Variants in FAAH observed in about 807,000 individuals in gnomAD.
FAAH encodes the protein fatty acid amide hydrolase, also known as fatty-acid amide hydrolase 1.
Under a neutral mutation model 69.7 loss-of-function variants are expected in FAAH, and 63 were observed. The ratio of observed to expected loss-of-function variants is 0.90; its 90% CI spans 0.74 to 1.12. The LOEUF (loss-of-function observed/expected upper bound fraction) is 1.12, where lower values mean the gene tolerates loss of function less well. Among genes scored for constraint, FAAH ranks in the 50% most tolerant of loss-of-function variants. The pLI is 0.00. For synonymous variants in FAAH, 305 were observed against 324.2 expected, an observed-to-expected ratio of 0.94 and a Z score of 0.64; for missense variants, 680 against 755.0, an observed-to-expected ratio of 0.90 and a Z score of 1.16.
rs995711424 is a variant in FAAH at position 46,404,775 on chromosome 1, G to A, written c.310-239G>A. Among the ~76,000 whole-genome samples, 6 of 152,200 alleles carry A rather than the reference G, an allele frequency of 3.9e-5. No homozygotes were observed. Among genetic ancestry groups the A allele is most frequent in the Admixed American group, 2.6e-4 (4 of 15,288 alleles). The stretch of plus-strand genomic sequence containing the variant: ...TCTTGCTCCCTTGAGTGTCCCGGTT[G>A]TGCCCTGGTCCTGGTTGAAGGCCAG... On this transcript the variant is annotated intron_variant, in intron 2 of 14. Transcript: ENST00000243167. The surrounding 1 kb of genome is among the most constrained non-coding windows in gnomAD (Gnocchi z 4.5).
At chr1:46,408,406 G>A in intron 7 of FAAH, 53 bp from the exon 8 acceptor site, 3 of 1,613,386 alleles carry the variant, frequency 1.9e-6, no homozygotes, top group Non-Finnish European at 2.5e-6. Flanking sequence ...TAGGGGTCCT[G>A]CCTAGGGTTG....
chr1:46,412,264 A>G lies in FAAH; in HGVS notation c.1465+13A>G. ...GGCAGGGCCACAGGTGAGGCCCGACACCCTGCCTGTCCCTTCTGTGAATCT... is the reference window on the plus strand; with the variant it reads ...GGCAGGGCCACAGGTGAGGCCCGACGCCCTGCCTGTCCCTTCTGTGAATCT... On this transcript the variant is annotated intron_variant, in intron 13 of 14. Transcript: ENST00000243167. 1 of 1,535,632 alleles carries G rather than the reference A, an allele frequency of 6.5e-7. No individual in the cohort carries two copies. Among genetic ancestry groups the G allele is most frequent in the Non-Finnish European group, 8.8e-7 (1 of 1,136,078 alleles).
chr1:46,404,953 C>G lies in FAAH; in HGVS notation c.310-61C>G. On this transcript the variant is annotated intron_variant, in intron 2 of 14. Transcript: ENST00000243167. This position sits in a 1 kb window ranked among gnomAD's most constrained non-coding sequence, Gnocchi z 4.5. ...GGCCAGTTCTACATGATGTATATTTCACCACAATTTCTTAAAAAGGCCAGC... is the reference window on the plus strand; with the variant it reads ...GGCCAGTTCTACATGATGTATATTTGACCACAATTTCTTAAAAAGGCCAGC... The G allele has an allele frequency of 6.2e-7, 1 of 1,610,922 alleles. No individual in the cohort carries two copies. The highest frequency in any genetic ancestry group is 8.5e-7 in the Non-Finnish European group (1 of 1,178,234).
At position 46,410,022 on chromosome 1, in the gene FAAH, A is replaced by G; in HGVS notation, c.1176-376A>G. 1 of 220,626 alleles carries G rather than the reference A, an allele frequency of 4.5e-6. No individual in the cohort carries two copies. Among genetic ancestry groups the G allele is most frequent in the East Asian group, 1.2e-4 (1 of 8,082 alleles). The allele number at this position is 220,626 out of a possible 1,614,324, so 13.7% of individuals were successfully genotyped here. On this transcript the variant is annotated intron_variant, in intron 9 of 14. Transcript: ENST00000243167. The surrounding 1 kb of genome is among the most constrained non-coding windows in gnomAD (Gnocchi z 4.9). Reference sequence around the variant, plus strand: ...GAGATCTTGAGCCAGAGATAGCCTCAGAGCCCTGCTTCATGGGCAGCCCAC... The same window carrying G: ...GAGATCTTGAGCCAGAGATAGCCTCGGAGCCCTGCTTCATGGGCAGCCCAC...
rs778363361 is a variant in FAAH at position 46,394,372 on chromosome 1, C to T, written c.24C>T (p.Ala8=). The T allele has an allele frequency of 2.6e-6, 4 of 1,547,570 alleles. No homozygotes were observed. Among genetic ancestry groups the T allele is most frequent in the Non-Finnish European group, 3.5e-6 (4 of 1,152,026 alleles). The change falls in exon 1 of 15, where the codon GCC becomes GCT. Residue 8 remains alanine, a synonymous_variant. Transcript: ENST00000243167. ...TCATGGTGCAGTACGAGCTGTGGGC[C>T]GCGCTGCCTGGCGCCTCCGGGGTCG... The part of the protein sequence containing the change: MVQYELW[A]ALPGASGVAL...
Position 46,410,389 on chromosome 1 carries a change from G to A in FAAH, c.1176-9G>A. 1.2e-6 allele frequency: 2 copies of A among 1,613,148 alleles called. No homozygotes were observed. Among genetic ancestry groups the A allele is most frequent in the South Asian group, 2.2e-5 (2 of 91,054 alleles). On this transcript the variant is annotated splice_polypyrimidine_tract_variant and intron_variant, in intron 9 of 14. Coordinates refer to ENST00000243167, the MANE Select transcript of FAAH (RefSeq NM_001441.3). The surrounding 1 kb of genome is among the most constrained non-coding windows in gnomAD (Gnocchi z 4.9). ...TGGGAGTGCCTGGACCGAGCATTTT[G>A]TTTCCCAGCAAAGGTGATTTCGTGG... is the stretch of plus-strand genomic sequence containing the variant.
chr1:46,411,684 G>C lies in FAAH; in HGVS notation c.1356+33G>C, dbSNP rs779129529. 1 of 1,612,896 alleles carries C rather than the reference G, an allele frequency of 6.2e-7. No individual in the cohort carries two copies. The highest frequency in any genetic ancestry group is 8.5e-7 in the Non-Finnish European group (1 of 1,179,202). On this transcript the variant is annotated intron_variant, in intron 12 of 14. Coordinates refer to ENST00000243167, the MANE Select transcript of FAAH (RefSeq NM_001441.3). The surrounding 1 kb of genome is among the most constrained non-coding windows in gnomAD (Gnocchi z 4.8). ...CAGAGCCTCTGGATTGGAGCAGGGTGGTGGGGGGAGGGTGGAGTTGGACAG... is the reference window on the plus strand; with the variant it reads ...CAGAGCCTCTGGATTGGAGCAGGGTCGTGGGGGGAGGGTGGAGTTGGACAG...
rs758185676 is a variant in FAAH at position 46,402,190 on chromosome 1, A to G, written c.295A>G (p.Thr99Ala). 6.2e-7 allele frequency: 1 copy of G among 1,603,036 alleles called. No homozygotes were observed. Reference protein sequence around the residue: ...RELAPEAVLFTYVGKAWEVNK... With the variant: ...RELAPEAVLFAYVGKAWEVNK... ...GCTGGCCCCTGAGGCCGTGCTCTTC[A>G]CCTATGTGGGAAAGGTAAGGCCAGC... is the stretch of plus-strand genomic sequence containing the variant. The change falls in exon 2 of 15, where the codon ACC (threonine) becomes GCC (alanine). Residue 99 changes from threonine (T) to alanine (A), a missense_variant. By Grantham distance (58) the Thr-to-Ala change is moderately conservative. Transcript: ENST00000243167.
At chr1:46,409,073 G>A in intron 8 of FAAH, 28 bp from the exon 9 acceptor site, 1 of 1,589,266 alleles carries the variant, frequency 6.3e-7, no homozygotes, top group Non-Finnish European at 8.6e-7. Context: ...GTTAGGTCAG[G>A]AGGCCTTACA....
At chr1:46,407,839 A>C (rs748875898) in intron 7 of FAAH, among the ~76,000 whole-genome samples, 1 of 152,186 alleles carries the variant, frequency 6.6e-6, no homozygotes, top group African/African-American at 2.4e-5. Context: ...GCGATTGTCT[A>C]TCTTGTACAG....
At position 46,399,343 on chromosome 1, in the gene FAAH, T is replaced by C. The variant is rs544946460; in HGVS notation, c.196-2748T>C. Among the ~76,000 whole-genome samples the C allele has an allele frequency of 3.3e-5, 5 of 152,298 alleles. No individual in the cohort carries two copies. In the East Asian group the frequency reaches 9.6e-4, roughly 29 times the overall value. ...TCCCTGCATTCTCCGCAAAATCAGG[T>C]TTCCGCATGTTCACTGATTGGTCTT... On this transcript the variant is annotated intron_variant, in intron 1 of 14. Transcript: ENST00000243167.
In FAAH at chr1:46,406,283, G is replaced by A. The variant is rs774737278; in HGVS notation, c.866G>A (p.Ser289Asn). 1 of 1,613,954 alleles carries A rather than the reference G, an allele frequency of 6.2e-7. No individual in the cohort carries two copies. The highest frequency in any genetic ancestry group is 1.3e-5 in the African/African-American group (1 of 74,956). ...GGCCCCATGGCCCGGGACGTGGAGA[G>A]CCTGGCACTGTGCCTGCGAGCCCTG... ...SVGPMARDVESLALCLRALLC... is the reference protein window; with the variant it reads ...SVGPMARDVENLALCLRALLC... The change falls in exon 7 of 15, where the codon AGC becomes AAC. Residue 289 changes from serine (S) to asparagine (N), a missense_variant. Physicochemically the swap from Ser to Asn is conservative, Grantham distance 46. Coordinates refer to ENST00000243167, the MANE Select transcript of FAAH (RefSeq NM_001441.3).
In FAAH at chr1:46,409,879, T is replaced by C. The variant is rs549947839; in HGVS notation, c.1176-519T>C. ...TTCACTCAGTCAAGGGCCCAGCCTG[T>C]CATGTTCCTTTCCTTCCCCTAGCAG... On this transcript the variant is annotated intron_variant, in intron 9 of 14. Coordinates refer to ENST00000243167, the MANE Select transcript of FAAH (RefSeq NM_001441.3). Among the ~76,000 whole-genome samples, 4 of 152,318 alleles carry C rather than the reference T, an allele frequency of 2.6e-5. No individual in the cohort carries two copies. In the East Asian group the frequency reaches 7.7e-4, roughly 29 times the overall value.
In FAAH at chr1:46,411,644, A is replaced by G; in HGVS notation, c.1349A>G (p.Glu450Gly). ...SAGKLWELQHEIEVYRKTVIA... is the reference protein window; with the variant it reads ...SAGKLWELQHGIEVYRKTVIA... ...GGAAAACTCTGGGAACTGCAGCACG[A>G]GATCGAGGTGAGGCCAGAGCCTCTG... is the stretch of plus-strand genomic sequence containing the variant. Residue 450 changes from glutamate (E) to glycine (G), a missense_variant, in exon 12 of 15, where the codon GAG (glutamate) becomes GGG (glycine). By Grantham distance (98) the Glu-to-Gly change is moderately conservative. Transcript: ENST00000243167. The surrounding 1 kb of genome is among the most constrained non-coding windows in gnomAD (Gnocchi z 4.8). 6.2e-7 allele frequency: 1 copy of G among 1,613,362 alleles called. No individual in the cohort carries two copies. The highest frequency in any genetic ancestry group is 8.5e-7 in the Non-Finnish European group (1 of 1,179,816).
At chr1:46,398,503 A>G (rs1430183468) in intron 1 of FAAH, among the ~76,000 whole-genome samples, 2 of 151,542 alleles carry the variant, frequency 1.3e-5, no homozygotes, top group Non-Finnish European at 2.9e-5. Flanking sequence ...CTCCTGTCTG[A>G]TAGATTCTGG....
intron 12 of FAAH, 110 bp from the exon 13 acceptor site, chr1:46,412,033 C>T (rs1664925584): frequency 1.1e-6 from 1 of 930,818 alleles, no homozygotes; most frequent in Non-Finnish European, 1.7e-6. Flanking sequence ...CTGTTCAGAT[C>T]CAGGGGCAGG....
In FAAH at chr1:46,405,187, C is replaced by T. The variant is rs76801913; in HGVS notation, c.444+39C>T. 4.2e-4 allele frequency: 683 copies of T among 1,613,464 alleles called. 6 individuals carry two copies. The East Asian group carries it at 0.011, about 27-fold the overall frequency. ...CAGCGCCAGGCCTCCATCGTCCCCT[C>T]CATCCCTGCCAGCCTGCTCTGCATC... On this transcript the variant is annotated intron_variant, in intron 3 of 14. Transcript: ENST00000243167. The surrounding 1 kb of genome is among the most constrained non-coding windows in gnomAD (Gnocchi z 4.1).
chr1:46,408,965 G>T (rs527784583), intron 8 of FAAH, 136 bp from the exon 9 acceptor site: 3 of 755,284 alleles, frequency 4.0e-6, no homozygotes, highest in South Asian at 2.9e-5. Flanking sequence ...GGTCAGTAAG[G>T]CTGCCTTTGT....
At chr1:46,394,573 C>T (rs1040519292) in intron 1 of FAAH, 30 bp downstream of exon 1, 5 of 1,321,262 alleles carry the variant, frequency 3.8e-6, no homozygotes, top group East Asian at 3.1e-5. Flanking sequence ...GGGATGGGCG[C>T]GGCCTGAGGG....
Sources: gnomAD v4.1 joint callset for allele counts (sites outside exome capture counted in the v4.1 genomes callset) on GRCh38, gnomAD v4.1.1 for gene constraint, Gnocchi (gnomAD v3.1) non-coding constraint, MANE v1.5 for transcripts, NCBI Gene and HGNC (gene_info 2026-07-23, HGNC 2026-07-21) for gene names.